XKR9: variants seen among roughly 807,000 people sequenced by gnomAD.
XKR9 encodes XK-related protein 9.
A neutral mutation model predicts 32.0 loss-of-function variants in XKR9; 32 were observed. That is an observed-to-expected ratio of 1.00 (90% CI 0.76 to 1.34). The LOEUF (loss-of-function observed/expected upper bound fraction) is 1.34. Among genes scored for constraint, XKR9 ranks in the 40% most tolerant of loss-of-function variants. The pLI is 0.00. For synonymous variants in XKR9, 168 were observed against 143.4 expected, an observed-to-expected ratio of 1.17 and a Z score of -1.22; for missense variants, 546 against 429.7, an observed-to-expected ratio of 1.27 and a Z score of -2.39.
At chr8:70,715,649 C>T (rs1429713182) in intron 4 of XKR9, among the ~76,000 whole-genome samples, 1 of 151,880 alleles carries the variant, frequency 6.6e-6, no homozygotes, top group Non-Finnish European at 1.5e-5. Flanking sequence ...ATAAAAATAG[C>T]TCACATCAAG....
intron 2 of XKR9, among the ~76,000 whole-genome samples, chr8:70,767,356 A>T (rs1807391626): frequency 6.6e-6 from 1 of 152,034 alleles, no homozygotes; most frequent in East Asian, 1.9e-4. Flanking sequence ...GAATTTATCC[A>T]TTTCTTCTAG....
At chr8:71,065,171 T>G in the XKR9 span, among the ~76,000 whole-genome samples, 1 of 152,222 alleles carries the variant, frequency 6.6e-6, no homozygotes, top group Non-Finnish European at 1.5e-5. Flanking sequence ...TGATGTGGAC[T>G]GAATTGTGTT....
chr8:71,024,060 C>T, the XKR9 span, among the ~76,000 whole-genome samples: 11 of 152,182 alleles, frequency 7.2e-5, no homozygotes, highest in Non-Finnish European at 1.6e-4. Flanking sequence ...CCAGGCCAGG[C>T]AGGCCTATCC....
chr8:70,956,277 T>C, the XKR9 span, among the ~76,000 whole-genome samples: 1 of 152,116 alleles, frequency 6.6e-6, no homozygotes, highest in Non-Finnish European at 1.5e-5. Flanking sequence ...AGACCCAAAG[T>C]GGTTAGCTCC....
At chr8:70,856,010 C>T in the XKR9 span, among the ~76,000 whole-genome samples, 1 of 152,148 alleles carries the variant, frequency 6.6e-6, no homozygotes, top group African/African-American at 2.4e-5. Context: ...CTGGTATCAG[C>T]CACTGCAAAA....
At chr8:70,864,618 GTT>G in the XKR9 span, among the ~76,000 whole-genome samples, 2 of 152,114 alleles carry the variant, frequency 1.3e-5, no homozygotes, top group Non-Finnish European at 2.9e-5. Flanking sequence ...TAATTCAGTG[GTT>G]CAGTGACAGC....
intron 2 of XKR9, among the ~76,000 whole-genome samples, chr8:70,747,016 G>T (rs981239678): frequency 2.0e-5 from 3 of 152,072 alleles, no homozygotes; most frequent in Non-Finnish European, 2.9e-5. Context: ...AGAACATGTG[G>T]TTTTCTGTTT....
the XKR9 span, among the ~76,000 whole-genome samples, chr8:71,001,574 T>G: frequency 6.6e-6 from 1 of 152,236 alleles, no homozygotes; most frequent in African/African-American, 2.4e-5. Flanking sequence ...TTTCTAAGCC[T>G]TAATTTCCTC....
At chr8:70,947,113 G>A in the XKR9 span, among the ~76,000 whole-genome samples, 1 of 152,202 alleles carries the variant, frequency 6.6e-6, no homozygotes, top group African/African-American at 2.4e-5. Context: ...TTGGCAAAAA[G>A]CCCCTGGCAG....
the XKR9 span, among the ~76,000 whole-genome samples, chr8:70,912,029 G>A: frequency 6.6e-6 from 1 of 152,152 alleles, no homozygotes; most frequent in Non-Finnish European, 1.5e-5. Flanking sequence ...CTACTTGGGT[G>A]GAGAAGGAAG....
the XKR9 span, among the ~76,000 whole-genome samples, chr8:70,841,380 CT>C: frequency 6.6e-6 from 1 of 152,172 alleles, no homozygotes; most frequent in East Asian, 1.9e-4. Flanking sequence ...TCATATTCAA[CT>C]TTATTTCATA....
chr8:70,971,520 T>A, the XKR9 span, among the ~76,000 whole-genome samples: 439 of 152,298 alleles, frequency 2.9e-3, 2 homozygotes, highest in African/African-American at 9.9e-3. Flanking sequence ...GGGTTCTTGG[T>A]CATGAAATCT....
At chr8:70,681,539 C>T (rs765921269) in intron 3 of XKR9, among the ~76,000 whole-genome samples, 3 of 151,960 alleles carry the variant, frequency 2.0e-5, no homozygotes, top group Non-Finnish European at 4.4e-5. Context: ...TTAAATTTAT[C>T]TAATTAGGTT....
chr8:71,044,520 G>A, the XKR9 span, among the ~76,000 whole-genome samples: 1 of 152,358 alleles, frequency 6.6e-6, no homozygotes, highest in South Asian at 2.1e-4. Flanking sequence ...CACTAAAATT[G>A]CTGAAGAGTA....
At chr8:70,694,412 G>T (rs529617926) in intron 3 of XKR9, among the ~76,000 whole-genome samples, 1 of 152,144 alleles carries the variant, frequency 6.6e-6, no homozygotes, top group East Asian at 1.9e-4. Context: ...ATCCCAGGGG[G>T]AATTCAGATC....
chr8:70,726,179 T>G (rs529096251), intron 4 of XKR9, among the ~76,000 whole-genome samples: 1 of 152,302 alleles, frequency 6.6e-6, no homozygotes, highest in Admixed American at 6.5e-5. Flanking sequence ...GTTGGAAGAA[T>G]GGTGAAATCA....
At chr8:70,744,306 G>A (rs117139499) in intron 2 of XKR9, among the ~76,000 whole-genome samples, 5,267 of 103,576 alleles carry the variant, frequency 0.051, 144 homozygotes, top group South Asian at 0.09. Flanking sequence ...GCGAGACTTC[G>A]CCTCAAAAAA....
At chr8:70,744,432 A>C (rs1345490360) in intron 2 of XKR9, among the ~76,000 whole-genome samples, 10 of 152,112 alleles carry the variant, frequency 6.6e-5, no homozygotes, top group Admixed American at 6.5e-4. Context: ...TATTATTATC[A>C]TCACTACCCT....
At chr8:70,940,645 A>G in the XKR9 span, among the ~76,000 whole-genome samples, 8 of 152,138 alleles carry the variant, frequency 5.3e-5, no homozygotes, top group African/African-American at 1.9e-4. Context: ...AGCATCTATT[A>G]TAGTTTCCCA....
Sources: allele counts gnomAD v4.1 joint callset (sites outside exome capture counted in the v4.1 genomes callset), GRCh38; gene constraint gnomAD v4.1.1; transcripts MANE v1.5; gene names NCBI Gene and HGNC (gene_info 2026-07-23, HGNC 2026-07-21).